Variants in STEEP1 observed in about 807,000 individuals in gnomAD.
The protein encoded by STEEP1 is STING ER exit protein.
STEEP1 carries 3 observed loss-of-function variants against 19.2 expected under a neutral mutation model. That is an observed-to-expected ratio of 0.16 (90% CI 0.07 to 0.40). The LOEUF is 0.40. Ranked by LOEUF, STEEP1 falls within the 10% of genes least tolerant of loss-of-function variation. STEEP1 has a pLI of 0.99. For missense variants in STEEP1, 54 were observed against 177.1 expected (o/e 0.30, Z 3.94); for synonymous variants, 46 against 63.7 (o/e 0.72, Z 1.32).
intron 2 of STEEP1, among the ~76,000 whole-genome samples, chrX:119,552,711 G>A (rs1295641667): frequency 8.9e-6 from 1 of 112,557 alleles, no homozygotes; most frequent in Admixed American, 9.4e-5. Flanking sequence ...AGCAAGGCCT[G>A]TCTGTTCAGA....
chrX:119,561,374 G>A (rs189593747), intron 1 of STEEP1, among the ~76,000 whole-genome samples: 5 of 111,171 alleles, frequency 4.5e-5, no homozygotes, highest in Admixed American at 9.6e-5. Flanking sequence ...ATTGAAAATT[G>A]ATATAATGGG....
rs186006513 is a variant in STEEP1 at position 119,543,360 on chromosome X, T to C, written c.424-766A>G. On this transcript the variant is annotated intron_variant, in intron 4 of 6. Coordinates refer to ENST00000644802, the MANE Select transcript of STEEP1 (RefSeq NM_022101.4). ...GCACCACCATGCCCAGCTAATTTTG[T>C]ATTTTTAGTAGAGACGGGGTTTCTC... Among the ~76,000 whole-genome samples, 376 of 109,333 alleles carry C rather than the reference T, an allele frequency of 3.4e-3. 7 individuals carry two copies. Among genetic ancestry groups the C allele is most frequent in the Admixed American group, 0.031 (317 of 10,190 alleles). The allele number at this position is 109,333 out of a possible 115,157, so 94.9% of individuals were successfully genotyped here.
chrX:119,555,302 T>C (rs192813913), intron 2 of STEEP1, among the ~76,000 whole-genome samples: 22 of 109,254 alleles, frequency 2.0e-4, no homozygotes, highest in Non-Finnish European at 3.6e-4. Context: ...GGACAGATCA[T>C]AGAGCGCATT....
chrX:119,549,421 T>G (rs769858608), intron 2 of STEEP1, among the ~76,000 whole-genome samples: 3 of 111,602 alleles, frequency 2.7e-5, no homozygotes, highest in Non-Finnish European at 3.8e-5. Flanking sequence ...AAAAACATAA[T>G]CATTTCAATA....
chrX:119,547,942 C>T (rs1406611609), intron 2 of STEEP1, among the ~76,000 whole-genome samples: 2 of 110,826 alleles, frequency 1.8e-5, no homozygotes, highest in African/African-American at 3.3e-5. Context: ...GAGGCCGAGG[C>T]GGGCAGATTA....
At chrX:119,548,259 G>A (rs1215111862) in intron 2 of STEEP1, among the ~76,000 whole-genome samples, 2 of 110,044 alleles carry the variant, frequency 1.8e-5, no homozygotes, top group Non-Finnish European at 3.8e-5. Context: ...ACAAGGCTAG[G>A]TGCAGTGGCT....
At chrX:119,544,226 C>A in intron 4 of STEEP1, 127 bp downstream of exon 4, 1 of 489,265 alleles carries the variant, frequency 2.0e-6, no homozygotes, top group Non-Finnish European at 3.2e-6. Context: ...AAGAAAAAGA[C>A]AAAAAAAGAA....
chrX:119,539,458 G>A lies in STEEP1; in HGVS notation c.*269C>T, dbSNP rs924130836. On this transcript the variant is annotated 3_prime_UTR_variant, in exon 7 of 7. Transcript: ENST00000644802. ...AGGCAGGAGAACTGCTTGAACCCGG[G>A]AGGCGGAGGTTGCAGTGAGCCGAGA... is the stretch of plus-strand genomic sequence containing the variant. 2.4e-5 allele frequency: 5 copies of A among 208,581 alleles called. No homozygotes were observed. The highest frequency in any genetic ancestry group is 3.5e-5 in the Non-Finnish European group (4 of 115,131). The allele number at this position is 208,581 out of a possible 1,213,427, so 17.2% of individuals were successfully genotyped here.
intron 2 of STEEP1, among the ~76,000 whole-genome samples, chrX:119,557,169 A>AAAAAAG (rs1422611693): frequency 0.03 from 3,163 of 104,858 alleles, 90 homozygotes; most frequent in Non-Finnish European, 0.047. Flanking sequence ...AAAAAAAAAA[A>AAAAAAG]AAAAGAAAAG....
At chrX:119,541,860 C>T (rs1392313817) in intron 5 of STEEP1, among the ~76,000 whole-genome samples, 1 of 111,750 alleles carries the variant, frequency 8.9e-6, no homozygotes, top group African/African-American at 3.2e-5. Context: ...TGGAAGGAAA[C>T]TGAAATCTTT....
chrX:119,555,561 T>C (rs2053273164), intron 2 of STEEP1, among the ~76,000 whole-genome samples: 1 of 111,061 alleles, frequency 9.0e-6, no homozygotes. Flanking sequence ...CACTAACAGA[T>C]TTGAAGCAGG....
At chrX:119,554,384 G>A (rs946217382) in intron 2 of STEEP1, among the ~76,000 whole-genome samples, 3 of 111,683 alleles carry the variant, frequency 2.7e-5, no homozygotes, top group Non-Finnish European at 5.7e-5. Flanking sequence ...GGTGGAGGTT[G>A]CAGTGAGCCA....
intron 2 of STEEP1, among the ~76,000 whole-genome samples, chrX:119,556,508 G>A (rs771653881): frequency 9.5e-4 from 103 of 108,651 alleles, no homozygotes; most frequent in African/African-American, 3.3e-3. Flanking sequence ...GCCTGAACCC[G>A]GGAGGCGGAG....
At chrX:119,564,520 G>A (rs2053344796) in intron 1 of STEEP1, among the ~76,000 whole-genome samples, 1 of 102,501 alleles carries the variant, frequency 9.8e-6, no homozygotes, top group Admixed American at 1.1e-4. Flanking sequence ...GGGGAAATAC[G>A]AGGTAGGAGG....
chrX:119,548,654 T>C (rs2053224021), intron 2 of STEEP1, among the ~76,000 whole-genome samples: 1 of 110,922 alleles, frequency 9.0e-6, no homozygotes. Flanking sequence ...GAACACAGTA[T>C]GGGAGATTCC....
chrX:119,552,634 T>G (rs28848031), intron 2 of STEEP1, among the ~76,000 whole-genome samples: 2 of 111,641 alleles, frequency 1.8e-5, no homozygotes, highest in Admixed American at 1.9e-4. Context: ...ATGGAAGCTT[T>G]GTTACAGAGG....
chrX:119,562,726 A>G (rs191162227), intron 1 of STEEP1, among the ~76,000 whole-genome samples: 1 of 110,543 alleles, frequency 9.0e-6, no homozygotes, highest in Admixed American at 9.7e-5. Flanking sequence ...GATGAAGCTT[A>G]CATTCTAGTG....
intron 4 of STEEP1, among the ~76,000 whole-genome samples, chrX:119,543,418 C>G (rs762227146): frequency 1.8e-5 from 2 of 110,046 alleles, no homozygotes; most frequent in African/African-American, 3.3e-5. Flanking sequence ...AACTCCTGAC[C>G]TCAGGTGATC....
chrX:119,540,114 GC>G (rs1313183177), intron 6 of STEEP1, among the ~76,000 whole-genome samples: 2 of 111,618 alleles, frequency 1.8e-5, no homozygotes, highest in African/African-American at 6.5e-5. Flanking sequence ...GCTATTCTTG[GC>G]AGAACAGGAA....
Sources: gnomAD v4.1 joint callset for allele counts (sites outside exome capture counted in the v4.1 genomes callset) on GRCh38, gnomAD v4.1.1 for gene constraint, MANE v1.5 for transcripts, NCBI Gene and HGNC (gene_info 2026-07-23, HGNC 2026-07-21) for gene names.